Variants in ELAPOR2 observed in about 807,000 individuals in gnomAD.
ELAPOR2 encodes the protein endosome/lysosome-associated apoptosis and autophagy regulator family member 2.
Under a neutral mutation model 120.7 loss-of-function variants are expected in ELAPOR2, and 89 were observed. The ratio of observed to expected loss-of-function variants is 0.74; its 90% CI spans 0.62 to 0.88. ELAPOR2 has a LOEUF of 0.88. Ranked by LOEUF, ELAPOR2 falls within the 40% of genes least tolerant of loss-of-function variation. The pLI is 0.00. For missense variants in ELAPOR2, 1,134 were observed against 1,251.6 expected, an observed-to-expected ratio of 0.91 and a Z score of 1.42; for synonymous variants, 444 against 444.9, an observed-to-expected ratio of 1.00 and a Z score of 0.03.
chr7:86,958,225 T>G (rs1234898608), intron 2 of ELAPOR2, among the ~76,000 whole-genome samples: 1 of 152,194 alleles, frequency 6.6e-6, no homozygotes, highest in East Asian at 1.9e-4. Context: ...GCTATTGTTT[T>G]AGTTTCCTAA....
chr7:86,913,340 A>G, intron 13 of ELAPOR2, 136 bp from the exon 14 acceptor site: 1 of 791,776 alleles, frequency 1.3e-6, no homozygotes, highest in Non-Finnish European at 2.0e-6. Flanking sequence ...CAATAGATTA[A>G]TATCACTGCT....
At chr7:87,041,604 G>A (rs1020534316) in intron 1 of ELAPOR2, among the ~76,000 whole-genome samples, 6 of 152,062 alleles carry the variant, frequency 3.9e-5, no homozygotes, top group African/African-American at 1.4e-4. Context: ...AAGAGCTCCT[G>A]AAGGAAGCAC....
intron 1 of ELAPOR2, among the ~76,000 whole-genome samples, chr7:87,022,415 A>AT: frequency 6.6e-6 from 1 of 152,024 alleles, no homozygotes; most frequent in East Asian, 1.9e-4. Context: ...TGAACTCATC[A>AT]TTTTTTATGG....
chr7:87,027,080 A>AT, intron 1 of ELAPOR2, among the ~76,000 whole-genome samples: 1 of 152,220 alleles, frequency 6.6e-6, no homozygotes, highest in South Asian at 2.1e-4. Context: ...GTTGGCCTTT[A>AT]TTTAGAACTA....
rs149832750 is a variant in ELAPOR2 at position 86,881,877 on chromosome 7, G to T, written c.3031-1347C>A. On this transcript the variant is annotated intron_variant, in intron 21 of 21. Transcript: ENST00000450689. The stretch of plus-strand genomic sequence containing the variant: ...ACATGCAAATAGATGTATGTCTAAA[G>T]TAGAATAGTGACATGAGAAGATAAT... Among the ~76,000 whole-genome samples, 367 of 152,330 alleles carry T rather than the reference G, an allele frequency of 2.4e-3. 2 individuals are homozygous for T. The highest frequency in any genetic ancestry group is 8.3e-3 in the African/African-American group (344 of 41,568).
At chr7:86,957,359 A>G (rs1270676614) in intron 2 of ELAPOR2, among the ~76,000 whole-genome samples, 1 of 152,202 alleles carries the variant, frequency 6.6e-6, no homozygotes, top group Non-Finnish European at 1.5e-5. Flanking sequence ...AAAATAAAAC[A>G]CTAAAGTCAA....
intron 1 of ELAPOR2, among the ~76,000 whole-genome samples, chr7:87,017,413 T>C (rs1793905127): frequency 6.6e-6 from 1 of 152,200 alleles, no homozygotes; most frequent in Non-Finnish European, 1.5e-5. Flanking sequence ...ATTGTATACA[T>C]CTGCCCCTGA....
At chr7:86,996,811 T>C (rs1433597007) in intron 1 of ELAPOR2, among the ~76,000 whole-genome samples, 2 of 152,128 alleles carry the variant, frequency 1.3e-5, no homozygotes, top group African/African-American at 4.8e-5. Flanking sequence ...TCACTCCTCA[T>C]CTCTCCTTCC....
At chr7:86,892,663 A>G (rs1562900685) in intron 20 of ELAPOR2, among the ~76,000 whole-genome samples, 1 of 152,078 alleles carries the variant, frequency 6.6e-6, no homozygotes, top group South Asian at 2.1e-4. Flanking sequence ...CCTGAATAAC[A>G]TGGAGCCTCT....
intron 2 of ELAPOR2, among the ~76,000 whole-genome samples, chr7:86,948,995 T>C (rs1236631790): frequency 2.0e-5 from 3 of 152,176 alleles, no homozygotes; most frequent in Non-Finnish European, 4.4e-5. Context: ...TTAGAAAACT[T>C]AGCCAGAAAT....
At chr7:87,004,100 G>A (rs562031249) in intron 1 of ELAPOR2, among the ~76,000 whole-genome samples, 10 of 152,250 alleles carry the variant, frequency 6.6e-5, no homozygotes, top group Admixed American at 2.0e-4. Context: ...TAACAGCATC[G>A]AGTCCTATTA....
chr7:87,055,756 T>A (rs1004947939), intron 1 of ELAPOR2, among the ~76,000 whole-genome samples: 3 of 152,210 alleles, frequency 2.0e-5, no homozygotes, highest in African/African-American at 7.2e-5. Context: ...CATATCTGTC[T>A]CATCCTTATC....
chr7:86,914,752 C>T lies in ELAPOR2; in HGVS notation c.1702G>A (p.Ala568Thr), dbSNP rs201275368. The part of the protein sequence containing the change: ...FKNATFTFTW[A>T]FQRTNQGQDN... ...TGACCCTGATTAGTTCTCTGGAATG[C>T]CCATGTAAATGTAAAAGTTGCATTC... Residue 568 changes from alanine to threonine, a missense_variant, in exon 13 of 22, where the codon GCA becomes ACA. By Grantham distance (58) the Ala-to-Thr change is moderately conservative. Transcript: ENST00000450689. 6.2e-6 allele frequency: 10 copies of T among 1,611,342 alleles called. No homozygotes were observed. The highest frequency in any genetic ancestry group is 8.5e-6 in the Non-Finnish European group (10 of 1,178,738).
intron 1 of ELAPOR2, among the ~76,000 whole-genome samples, chr7:87,027,356 C>T (rs1466398278): frequency 2.0e-5 from 3 of 152,110 alleles, no homozygotes; most frequent in East Asian, 1.9e-4. Flanking sequence ...ATGACACATA[C>T]GACTGGATTG....
intron 18 of ELAPOR2, among the ~76,000 whole-genome samples, chr7:86,905,510 T>C (rs562611669): frequency 8.5e-5 from 13 of 152,098 alleles, no homozygotes; most frequent in Non-Finnish European, 1.9e-4. Flanking sequence ...CACACTTCAG[T>C]GCGCATCACA....
At chr7:87,033,694 C>T (rs984672011) in intron 1 of ELAPOR2, among the ~76,000 whole-genome samples, 3 of 151,820 alleles carry the variant, frequency 2.0e-5, no homozygotes, top group African/African-American at 4.8e-5. Flanking sequence ...AACTGAAAGA[C>T]TAAATAAGTG....
intron 1 of ELAPOR2, 54 bp downstream of exon 1, chr7:87,059,271 A>G (rs1354836505): frequency 2.4e-6 from 3 of 1,243,478 alleles, no homozygotes; most frequent in African/African-American, 1.6e-5. Flanking sequence ...CTCAGCCTTC[A>G]TCTTCCGCGC....
chr7:86,953,087 C>T (rs1791329648), intron 2 of ELAPOR2, among the ~76,000 whole-genome samples: 1 of 142,146 alleles, frequency 7.0e-6, no homozygotes, highest in South Asian at 2.3e-4. Context: ...CAGAGCAAGC[C>T]TCTGTCAAAA....
At position 86,986,375 on chromosome 7, in the gene ELAPOR2, G is replaced by A. The variant is rs1180895391; in HGVS notation, c.190-21351C>T. Among the ~76,000 whole-genome samples, 36 of 111,292 alleles carry A rather than the reference G, an allele frequency of 3.2e-4. 7 individuals are homozygous for A. Among genetic ancestry groups the A allele is most frequent in the Non-Finnish European group, 6.1e-4 (34 of 55,530 alleles). The allele number at this position is 111,292 out of a possible 152,430, so 73.0% of individuals were successfully genotyped here. On this transcript the variant is annotated intron_variant, in intron 1 of 21. Coordinates refer to ENST00000450689, the MANE Select transcript of ELAPOR2 (RefSeq NM_001142749.3). ...ACCCGGGAGGCGGAGCTTGCAGTGA[G>A]CCGAGATCCCGCCACTGCACTCCAG...
Sources: gnomAD v4.1 joint callset for allele counts (sites outside exome capture counted in the v4.1 genomes callset) on GRCh38, gnomAD v4.1.1 for gene constraint, MANE v1.5 for transcripts, NCBI Gene and HGNC (gene_info 2026-07-23, HGNC 2026-07-21) for gene names.